SLC22A9: variants seen among roughly 807,000 people sequenced by gnomAD.
SLC22A9 encodes the protein organic anion transporter 7.
A neutral mutation model predicts 50.1 loss-of-function variants in SLC22A9; 64 were observed. The ratio of observed to expected loss-of-function variants is 1.28; its 90% CI spans 1.04 to 1.57. The LOEUF (loss-of-function observed/expected upper bound fraction) is 1.57, where lower values mean the gene tolerates loss of function less well. Among genes scored for constraint, SLC22A9 ranks in the 40% most tolerant of loss-of-function variants. The pLI is 0.00. For missense variants in SLC22A9, 757 were observed against 676.1 expected (o/e 1.12, Z -1.33); for synonymous variants, 261 against 242.5 (o/e 1.08, Z -0.71).
intron 5 of SLC22A9, among the ~76,000 whole-genome samples, chr11:63,381,944 A>G (rs1395032694): frequency 6.6e-6 from 1 of 152,152 alleles, no homozygotes; most frequent in African/African-American, 2.4e-5. Flanking sequence ...TCTTGTCTAA[A>G]ATATCCTTGA....
At chr11:63,371,068 A>G in intron 1 of SLC22A9, 67 bp from the exon 2 acceptor site, 2 of 1,177,794 alleles carry the variant, frequency 1.7e-6, no homozygotes, top group South Asian at 1.3e-5. Flanking sequence ...AGATCATGCT[A>G]AGAAGTTTTG....
intron 6 of SLC22A9, among the ~76,000 whole-genome samples, chr11:63,391,942 T>A (rs866286782): frequency 2.0e-5 from 3 of 152,050 alleles, no homozygotes; most frequent in Admixed American, 6.6e-5. Flanking sequence ...TGGTGATATG[T>A]TTTAATCTCC....
intron 6 of SLC22A9, among the ~76,000 whole-genome samples, chr11:63,385,106 G>GTTTTTTTTTTTTTTTTTTT (rs149124193): frequency 1.3e-5 from 1 of 76,558 alleles, no homozygotes; most frequent in Non-Finnish European, 2.4e-5. Context: ...TGATGATACA[G>GTTTTTTTTTTTTTTTTTTT]TTTTTTTTTT....
At chr11:63,394,217 C>T (rs2014812772) in intron 6 of SLC22A9, among the ~76,000 whole-genome samples, 4 of 152,018 alleles carry the variant, frequency 2.6e-5, no homozygotes, top group Admixed American at 2.6e-4. Flanking sequence ...ACGTTCTTAG[C>T]TTGAGATGTG....
intron 4 of SLC22A9, among the ~76,000 whole-genome samples, chr11:63,374,722 A>G (rs1170208533): frequency 6.6e-6 from 1 of 152,156 alleles, no homozygotes; most frequent in East Asian, 1.9e-4. Flanking sequence ...CTATGTTTTT[A>G]TATATATCCT....
intron 6 of SLC22A9, among the ~76,000 whole-genome samples, chr11:63,390,672 C>A (rs986001525): frequency 6.6e-6 from 1 of 152,098 alleles, no homozygotes; most frequent in Non-Finnish European, 1.5e-5. Flanking sequence ...CCTAGCTATA[C>A]GGGCTCTTTT....
chr11:63,398,874 A>ACC (rs2014906250), intron 6 of SLC22A9, among the ~76,000 whole-genome samples: 1 of 152,120 alleles, frequency 6.6e-6, no homozygotes, highest in South Asian at 2.1e-4. Flanking sequence ...GGGAAAGATG[A>ACC]CCTTAGAGGC....
In SLC22A9 at chr11:63,409,699, T is replaced by C. The variant is rs908094594; in HGVS notation, c.1602-103T>C. The C allele has an allele frequency of 3.3e-6, 4 of 1,203,536 alleles. No homozygotes were observed. In the African/African-American group the frequency reaches 4.6e-5, roughly 14 times the overall value. The allele number at this position is 1,203,536 out of a possible 1,614,324, so 74.6% of individuals were successfully genotyped here. On this transcript the variant is annotated intron_variant, in intron 9 of 9. Transcript: ENST00000279178. Reference sequence around the variant, plus strand: ...AGAGATATGGTTTTTACCAAACTAATGGACAAAGAATCAACATTCCTTAAA... The same window carrying C: ...AGAGATATGGTTTTTACCAAACTAACGGACAAAGAATCAACATTCCTTAAA...
chr11:63,403,681 A>G (rs777874807), intron 6 of SLC22A9, among the ~76,000 whole-genome samples: 2 of 152,110 alleles, frequency 1.3e-5, no homozygotes, highest in African/African-American at 2.4e-5. Flanking sequence ...AATTCTAACA[A>G]GAGCAATTAG....
intron 6 of SLC22A9, among the ~76,000 whole-genome samples, chr11:63,394,648 C>T (rs1041340548): frequency 3.3e-5 from 5 of 152,122 alleles, no homozygotes; most frequent in South Asian, 2.1e-4. Context: ...TGTCTCACAG[C>T]GCTTAAGCTT....
At position 63,371,123 on chromosome 11, in the gene SLC22A9, C is replaced by T. The variant is rs2014350978; in HGVS notation, c.403-12C>T. 6.2e-7 allele frequency: 1 copy of T among 1,601,404 alleles called. No individual in the cohort carries two copies. Among genetic ancestry groups the T allele is most frequent in the Non-Finnish European group, 8.6e-7 (1 of 1,169,210 alleles). ...TAATAAGCATTGATGTGCTGGCTTC[C>T]TTCTCTTCCAGTGGGATCTGGTATG... On this transcript the variant is annotated splice_polypyrimidine_tract_variant and intron_variant, in intron 1 of 9. Coordinates refer to ENST00000279178, the MANE Select transcript of SLC22A9 (RefSeq NM_080866.3).
rs199952281 is a variant in SLC22A9 at position 63,370,025 on chromosome 11, G to T, written c.-32G>T. The T allele has an allele frequency of 1.4e-3, 2,236 of 1,584,024 alleles. 36 individuals are homozygous for T. The highest frequency in any genetic ancestry group is 1.3e-3 in the Middle Eastern group (7 of 5,462). ...GAACCTCTCTGGATACAGTCATTTT[G>T]CCTCTACTTGAGGATCAACTGTTCA... On this transcript the variant is annotated 5_prime_UTR_variant, in exon 1 of 10. Coordinates refer to ENST00000279178, the MANE Select transcript of SLC22A9 (RefSeq NM_080866.3).
chr11:63,373,715 C>T lies in SLC22A9; in HGVS notation c.578C>T (p.Ala193Val). 1 of 1,613,262 alleles carries T rather than the reference C, an allele frequency of 6.2e-7. No homozygotes were observed. The highest frequency in any genetic ancestry group is 8.5e-7 in the Non-Finnish European group (1 of 1,179,574). ...ATTGTTGGCACCTGTGCAGCCTTGGCTCCCACCTTCCTCATTTACTGCTCA... is the reference window on the plus strand; with the variant it reads ...ATTGTTGGCACCTGTGCAGCCTTGGTTCCCACCTTCCTCATTTACTGCTCA... ...VAIVGTCAAL[A>V]PTFLIYCSLR... The change falls in exon 3 of 10, where the codon GCT (alanine) becomes GTT (valine). Residue 193 changes from alanine to valine, a missense_variant. Coordinates refer to ENST00000279178, the MANE Select transcript of SLC22A9 (RefSeq NM_080866.3).
At position 63,406,589 on chromosome 11, in the gene SLC22A9, T is replaced by C; in HGVS notation, c.1166T>C (p.Val389Ala). 1 of 1,613,892 alleles carries C rather than the reference T, an allele frequency of 6.2e-7. No individual in the cohort carries two copies. Reference protein sequence around the residue: ...VFLLQTLFGAVILLANCVAPW... With the variant: ...VFLLQTLFGAAILLANCVAPW... ...CTGTTGCAGACTCTCTTTGGTGCAGTCATCCTCCTGGCCAACTGTGTTGCA... is the reference window on the plus strand; with the variant it reads ...CTGTTGCAGACTCTCTTTGGTGCAGCCATCCTCCTGGCCAACTGTGTTGCA... The change falls in exon 7 of 10, where the codon GTC (valine) becomes GCC (alanine). Residue 389 changes from valine to alanine, a missense_variant. Coordinates refer to ENST00000279178, the MANE Select transcript of SLC22A9 (RefSeq NM_080866.3).
intron 1 of SLC22A9, 82 bp from the exon 2 acceptor site, chr11:63,371,053 C>T: frequency 2.0e-6 from 2 of 995,098 alleles, no homozygotes; most frequent in Non-Finnish European, 1.5e-6. Context: ...TATTAGGAAA[C>T]TTGCAGATCA....
chr11:63,402,662 GA>G (rs11298910), intron 6 of SLC22A9, among the ~76,000 whole-genome samples: 37,485 of 141,424 alleles, frequency 0.27, 5,276 homozygotes, highest in East Asian at 0.69. Context: ...AATGAAAGTT[GA>G]AAAAAAAAAA....
At chr11:63,401,191 T>C (rs546876587) in intron 6 of SLC22A9, among the ~76,000 whole-genome samples, 3 of 152,128 alleles carry the variant, frequency 2.0e-5, no homozygotes, top group Admixed American at 6.5e-5. Context: ...GGAATCCATA[T>C]TGGAAAGGAA....
Position 63,369,860 on chromosome 11 carries a change from C to G in SLC22A9, c.-197C>G. The G allele has an allele frequency of 1.9e-6, 1 of 521,508 alleles. No homozygotes were observed. Among genetic ancestry groups the G allele is most frequent in the Non-Finnish European group, 3.3e-6 (1 of 301,286 alleles). 32.3% of individuals were successfully genotyped at this position (521,508 alleles called of 1,614,324 possible). A position where few individuals can be genotyped will look rare whatever the true frequency, so the allele number is the denominator to read the frequency against. ...ACGTGACTTTAGAGAAAACGGCTAC[C>G]TATCTGACCCCAAAACGACTTGAGG... On this transcript the variant is annotated 5_prime_UTR_variant, in exon 1 of 10. Coordinates refer to ENST00000279178, the MANE Select transcript of SLC22A9 (RefSeq NM_080866.3).
intron 7 of SLC22A9, 82 bp from the exon 8 acceptor site, chr11:63,408,029 TA>T: frequency 9.0e-7 from 1 of 1,116,818 alleles, no homozygotes; most frequent in Non-Finnish European, 1.3e-6. Flanking sequence ...ACACCTCCAA[TA>T]CAGTCCTTTT....
Sources: allele counts gnomAD v4.1 joint callset (sites outside exome capture counted in the v4.1 genomes callset), GRCh38; gene constraint gnomAD v4.1.1; transcripts MANE v1.5; gene names NCBI Gene and HGNC (gene_info 2026-07-23, HGNC 2026-07-21).